PLXNA2: variants seen among roughly 807,000 people sequenced by gnomAD.
The protein encoded by PLXNA2 is plexin-A2.
PLXNA2 carries 91 observed loss-of-function variants against 193.5 expected under a neutral mutation model. That is an observed-to-expected ratio of 0.47 (90% CI 0.40 to 0.56). The LOEUF (loss-of-function observed/expected upper bound fraction) is 0.56, where lower values mean the gene tolerates loss of function less well. Among genes scored for constraint, PLXNA2 ranks in the 20% least tolerant of loss-of-function variants. PLXNA2 has a pLI of 0.00. For synonymous variants in PLXNA2, 997 were observed against 1,027.3 expected, an observed-to-expected ratio of 0.97 and a Z score of 0.56; for missense variants, 1,995 against 2,503.2, an observed-to-expected ratio of 0.80 and a Z score of 4.33.
chr1:208,233,045 A>T (rs1417708218), intron 1 of PLXNA2, among the ~76,000 whole-genome samples: 1 of 152,132 alleles, frequency 6.6e-6, no homozygotes, highest in Non-Finnish European at 1.5e-5. Flanking sequence ...CCTCTGCTTG[A>T]ATTCCCTAAA....
chr1:208,089,960 G>A lies in PLXNA2; in HGVS notation c.2097+2826C>T, dbSNP rs1666656722. ...TCTTTGCTGTTCCTCAAATTTTCAG[G>A]GATGGGGTTCTCCTAAAGCAGAACT... On this transcript the variant is annotated intron_variant, in intron 9 of 31. Transcript: ENST00000367033. 1.3e-5 allele frequency among the ~76,000 whole-genome samples: 2 copies of A among 152,154 alleles called. 1 individual carries two copies. Among genetic ancestry groups the A allele is most frequent in the South Asian group, 4.1e-4 (2 of 4,824 alleles).
rs137972752 is a variant in PLXNA2, at chr1:208,069,861, T to C, written c.2587-9024A>G. On this transcript the variant is annotated intron_variant, in intron 12 of 31. Transcript: ENST00000367033. ...AGAATGATGGCTGCTGCTTTCACGTTTGTTAAGTGCTTATAATGAGTAAGG... is the reference window on the plus strand; with the variant it reads ...AGAATGATGGCTGCTGCTTTCACGTCTGTTAAGTGCTTATAATGAGTAAGG... Among the ~76,000 whole-genome samples, 16 of 152,314 alleles carry C rather than the reference T, an allele frequency of 1.1e-4. No homozygotes were observed. The East Asian group carries it at 3.1e-3, about 29-fold the overall frequency.
At chr1:208,153,133 C>A (rs1668823884) in intron 3 of PLXNA2, among the ~76,000 whole-genome samples, 1 of 152,178 alleles carries the variant, frequency 6.6e-6, no homozygotes, top group Admixed American at 6.5e-5. Context: ...ATGAAGGAAT[C>A]CCTGTTGCTG....
At chr1:208,174,300 G>A (rs1220730959) in intron 3 of PLXNA2, among the ~76,000 whole-genome samples, 1 of 151,920 alleles carries the variant, frequency 6.6e-6, no homozygotes, top group African/African-American at 2.4e-5. Context: ...GGGGGCTGGA[G>A]AGAGAAGGGC....
intron 3 of PLXNA2, among the ~76,000 whole-genome samples, chr1:208,167,191 C>T (rs1204018941): frequency 6.6e-6 from 1 of 152,102 alleles, no homozygotes; most frequent in Non-Finnish European, 1.5e-5. Flanking sequence ...ATGAGGACTC[C>T]CCTGACTATG....
intron 3 of PLXNA2, among the ~76,000 whole-genome samples, chr1:208,188,188 T>G (rs983832200): frequency 1.3e-5 from 2 of 152,184 alleles, no homozygotes; most frequent in African/African-American, 4.8e-5. Context: ...AGAACCCATG[T>G]CCTATTGTCC....
intron 1 of PLXNA2, among the ~76,000 whole-genome samples, chr1:208,232,563 T>C (rs1254344457): frequency 1.3e-5 from 2 of 152,268 alleles, no homozygotes; most frequent in Non-Finnish European, 2.9e-5. Context: ...TAAATTTCTC[T>C]GTCTCCAACC....
rs1025765894 is a variant in PLXNA2 at position 208,094,667 on chromosome 1, A to T, written c.1982+1362T>A. Among the ~76,000 whole-genome samples, 33 of 152,338 alleles carry T rather than the reference A, an allele frequency of 2.2e-4. 1 individual carries two copies. Among genetic ancestry groups the T allele is most frequent in the Admixed American group, 1.6e-3 (25 of 15,298 alleles). Reference sequence around the variant, plus strand: ...TTGCTGGGATTCAAATGCAGTGGTTAGAGGGCAGCTTTGTCTATTTCAACT... The same window carrying T: ...TTGCTGGGATTCAAATGCAGTGGTTTGAGGGCAGCTTTGTCTATTTCAACT... On this transcript the variant is annotated intron_variant, in intron 8 of 31. Transcript: ENST00000367033.
chr1:208,148,468 CT>C (rs1161759330), intron 3 of PLXNA2, among the ~76,000 whole-genome samples: 7 of 152,148 alleles, frequency 4.6e-5, no homozygotes, highest in African/African-American at 1.7e-4. Flanking sequence ...AGTCATTTCA[CT>C]TGTTTATGTA....
intron 5 of PLXNA2, 60 bp from the exon 6 acceptor site, chr1:208,099,029 T>C (rs1571914063): frequency 6.3e-7 from 1 of 1,594,734 alleles, no homozygotes; most frequent in East Asian, 2.2e-5. Flanking sequence ...TTTGGCTCCA[T>C]TGTCCCCTGG....
intron 3 of PLXNA2, among the ~76,000 whole-genome samples, chr1:208,152,825 C>T (rs188973460): frequency 2.1e-4 from 29 of 138,130 alleles, no homozygotes; most frequent in African/African-American, 7.5e-4. Flanking sequence ...ATTGCATCCC[C>T]AGCTTTTTCG....
chr1:208,144,470 G>A (rs569598907), intron 3 of PLXNA2, among the ~76,000 whole-genome samples: 8 of 152,186 alleles, frequency 5.3e-5, no homozygotes, highest in Non-Finnish European at 1.0e-4. Flanking sequence ...TGAGTCCATC[G>A]TGGGGTGGGA....
chr1:208,142,448 G>A lies in PLXNA2; in HGVS notation c.1387C>T (p.Pro463Ser), dbSNP rs776608351. The A allele has an allele frequency of 8.7e-6, 14 of 1,609,918 alleles. No individual in the cohort carries two copies. The highest frequency in any genetic ancestry group is 1.3e-5 in the African/African-American group (1 of 74,824). ...TCGTACTGGACCCCACCATGGGGGGGACCGTCGGCCCGAATCTGTATGAGA... is the reference window on the plus strand; with the variant it reads ...TCGTACTGGACCCCACCATGGGGGGAACCGTCGGCCCGAATCTGTATGAGA... ...GKLKKIRADGPPHGGVQYEMV... is the reference protein window; with the variant it reads ...GKLKKIRADGSPHGGVQYEMV... Residue 463 changes from proline (P) to serine (S), a missense_variant, in exon 4 of 32, where the codon CCC becomes TCC. Coordinates refer to ENST00000367033, the MANE Select transcript of PLXNA2 (RefSeq NM_025179.4).
At chr1:208,049,510 A>T (rs1665185912) in intron 17 of PLXNA2, among the ~76,000 whole-genome samples, 3 of 152,070 alleles carry the variant, frequency 2.0e-5, no homozygotes. Flanking sequence ...CCCAAAAAGG[A>T]GTGACCATGG....
At chr1:208,180,165 T>A (rs919440420) in intron 3 of PLXNA2, among the ~76,000 whole-genome samples, 2 of 22,224 alleles carry the variant, frequency 9.0e-5, no homozygotes, top group African/African-American at 5.3e-4. Flanking sequence ...GGGGCTTGTA[T>A]TTTTTTTTTT....
chr1:208,130,435 C>T lies in PLXNA2; in HGVS notation c.1506+11894G>A, dbSNP rs1250139251. 4.6e-5 allele frequency among the ~76,000 whole-genome samples: 7 copies of T among 152,256 alleles called. No homozygotes were observed. In the East Asian group the frequency reaches 9.7e-4, roughly 21 times the overall value. On this transcript the variant is annotated intron_variant, in intron 4 of 31. Coordinates refer to ENST00000367033, the MANE Select transcript of PLXNA2 (RefSeq NM_025179.4). ...CTAACACCCCCAGAACACACAGGAA[C>T]GTTTGCTCTCATCTCACTCACCAAC... is the stretch of plus-strand genomic sequence containing the variant.
chr1:208,130,699 C>A (rs1015685722), intron 4 of PLXNA2, among the ~76,000 whole-genome samples: 2 of 152,188 alleles, frequency 1.3e-5, no homozygotes, highest in Non-Finnish European at 2.9e-5. Flanking sequence ...CTCTTACCTA[C>A]TCCTCCCCGG....
intron 4 of PLXNA2, among the ~76,000 whole-genome samples, chr1:208,106,893 G>A (rs1274226718): frequency 6.6e-6 from 1 of 152,190 alleles, no homozygotes; most frequent in African/African-American, 2.4e-5. Flanking sequence ...GACAGATGAA[G>A]AGCATTCCAG....
rs1292620685 is a variant in PLXNA2 at position 208,054,412 on chromosome 1, A to G, written c.2856+9T>C. On this transcript the variant is annotated intron_variant, in intron 14 of 31. Transcript: ENST00000367033. ...GGCACCTGCACCTGGCCCTGGACCC[A>G]GTACTCACCACGAAGGTGTACTGCT... 1.3e-6 allele frequency: 2 copies of G among 1,597,892 alleles called. No homozygotes were observed. The highest frequency in any genetic ancestry group is 3.3e-5 in the Admixed American group (2 of 59,962).
Sources: allele counts gnomAD v4.1 joint callset (sites outside exome capture counted in the v4.1 genomes callset), GRCh38; gene constraint gnomAD v4.1.1; transcripts MANE v1.5; gene names NCBI Gene and HGNC (gene_info 2026-07-23, HGNC 2026-07-21).